The following ALG12 variants were observed in gnomAD, a reference collection of about 807,000 sequenced individuals.
ALG12 encodes the protein ALG12 alpha-1,6-mannosyltransferase, also known as dol-P-Man:Man(7)GlcNAc(2)-PP-Dol alpha-1,6-mannosyltransferase.
A neutral mutation model predicts 46.0 loss-of-function variants in ALG12; 36 were observed. The ratio of observed to expected loss-of-function variants is 0.78; its 90% CI spans 0.60 to 1.03. The LOEUF (loss-of-function observed/expected upper bound fraction) is 1.03. Among genes scored for constraint, ALG12 ranks in the 50% least tolerant of loss-of-function variants. The pLI is 0.00. For synonymous variants in ALG12, 326 were observed against 291.6 expected (o/e 1.12, Z -1.20); for missense variants, 599 against 633.5 (o/e 0.95, Z 0.58).
At chr22:49,883,908 C>G in the ALG12 span, 2 of 1,608,148 alleles carry the variant, frequency 1.2e-6, no homozygotes, top group Non-Finnish European at 8.5e-7. Flanking sequence ...GTGAGGATGA[C>G]TATGGCGCGC....
At chr22:49,860,520 A>G in the ALG12 span, among the ~76,000 whole-genome samples, 1 of 152,248 alleles carries the variant, frequency 6.6e-6, no homozygotes, top group East Asian at 1.9e-4. Flanking sequence ...GTCCTTAGTT[A>G]TCTTCCACTT....
the ALG12 span, chr22:49,884,713 C>T: frequency 6.3e-7 from 1 of 1,597,244 alleles, no homozygotes; most frequent in Non-Finnish European, 8.5e-7. Context: ...CATCCCGCCA[C>T]TGTACTCCAC....
chr22:49,879,368 C>A, the ALG12 span, among the ~76,000 whole-genome samples: 1 of 151,662 alleles, frequency 6.6e-6, no homozygotes, highest in Non-Finnish European at 1.5e-5. Flanking sequence ...CTCGGTTGAT[C>A]CGTCTGCCTC....
rs8142631 is a variant in ALG12 at position 49,915,240 on chromosome 22, G to A, written c.-78-1397C>T. 8.1e-3 allele frequency among the ~76,000 whole-genome samples: 1,227 copies of A among 152,284 alleles called. 19 individuals carry two copies. The highest frequency in any genetic ancestry group is 0.029 in the African/African-American group (1,190 of 41,560). On this transcript the variant is annotated intron_variant, in intron 1 of 9. Transcript: ENST00000330817. ...TAAAAACCTGGGGCCGGGCGCGGTC[G>A]CTCATTCCCGTAATCCCAGCTCTTT...
chr22:49,918,078 G>A (rs13340054), intron 1 of ALG12, 185 bp downstream of exon 1: 16,177 of 151,562 alleles, frequency 0.11, 1,105 homozygotes, highest in South Asian at 0.2. Flanking sequence ...CCCAGGTGAG[G>A]AGCCCGGCCC....
chr22:49,878,339 C>CT, the ALG12 span, among the ~76,000 whole-genome samples: 1 of 147,598 alleles, frequency 6.8e-6, no homozygotes. Flanking sequence ...CAGAGATAGG[C>CT]TTTCATTTCT....
intron 6 of ALG12, among the ~76,000 whole-genome samples, chr22:49,908,179 C>T (rs2147585741): frequency 6.6e-6 from 1 of 152,222 alleles, no homozygotes; most frequent in East Asian, 1.9e-4. Flanking sequence ...CCAGGCAGGA[C>T]CAAGGCAGCA....
At chr22:49,891,264 T>C in the ALG12 span, among the ~76,000 whole-genome samples, 1 of 152,212 alleles carries the variant, frequency 6.6e-6, no homozygotes, top group Non-Finnish European at 1.5e-5. Context: ...AGGGTCTTGA[T>C]GCCACTTGTT....
At position 49,907,862 on chromosome 22, in the gene ALG12, A is replaced by G; in HGVS notation, c.851T>C (p.Val284Ala). Residue 284 changes from valine to alanine, a missense_variant, in exon 7 of 10, where the codon GTA becomes GCA. Coordinates refer to ENST00000330817, the MANE Select transcript of ALG12 (RefSeq NM_024105.4). The part of the protein sequence containing the change: ...CSLLFIPLGL[V>A]DRRTHAPTVL... Reference sequence around the variant, plus strand: ...CGTCGGCGCGTGCGTCCTTCTGTCTACCAAGCCCAGGGGGATGAAGAGCAG... The same window carrying G: ...CGTCGGCGCGTGCGTCCTTCTGTCTGCCAAGCCCAGGGGGATGAAGAGCAG... The G allele has an allele frequency of 6.2e-7, 1 of 1,613,938 alleles. No individual in the cohort carries two copies. The highest frequency in any genetic ancestry group is 8.5e-7 in the Non-Finnish European group (1 of 1,179,998).
At chr22:49,885,523 C>G in the ALG12 span, 2 of 1,608,792 alleles carry the variant, frequency 1.2e-6, no homozygotes, top group Admixed American at 1.7e-5. Flanking sequence ...GGAGACGGCT[C>G]GGCCCTCCTC....
At chr22:49,861,276 G>C in the ALG12 span, among the ~76,000 whole-genome samples, 1 of 151,528 alleles carries the variant, frequency 6.6e-6, no homozygotes, top group African/African-American at 2.4e-5. Context: ...TGAGTAGCTG[G>C]GACTACAGGC....
At chr22:49,873,952 A>G in the ALG12 span, among the ~76,000 whole-genome samples, 1 of 152,246 alleles carries the variant, frequency 6.6e-6, no homozygotes, top group Non-Finnish European at 1.5e-5. Flanking sequence ...GATGCCTGAA[A>G]TTAGGACATT....
chr22:49,877,780 A>G, the ALG12 span, among the ~76,000 whole-genome samples: 97,736 of 151,946 alleles, frequency 0.64, 35,614 homozygotes, highest in East Asian at 0.85. Flanking sequence ...ATGGACACAC[A>G]CATCCCTCCT....
At chr22:49,911,607 G>T (rs1302921006) in intron 3 of ALG12, among the ~76,000 whole-genome samples, 1 of 152,046 alleles carries the variant, frequency 6.6e-6, no homozygotes, top group African/African-American at 2.4e-5. Flanking sequence ...GCTAATTTTT[G>T]TATTTTTAGT....
At chr22:49,912,057 G>GCGGGATCAGCCTGGCCC (rs1299131014) in intron 3 of ALG12, among the ~76,000 whole-genome samples, 1 of 133,174 alleles carries the variant, frequency 7.5e-6, no homozygotes, top group Non-Finnish European at 1.6e-5. Flanking sequence ...AGCCTCGGCC[G>GCGGGATCAGCCTGGCCC]CGGGATCAGC....
the ALG12 span, chr22:49,887,142 GA>G: frequency 6.2e-7 from 1 of 1,613,302 alleles, no homozygotes; most frequent in Non-Finnish European, 8.5e-7. Context: ...TTATCTTTTT[GA>G]AAGTGAATCT....
the ALG12 span, among the ~76,000 whole-genome samples, chr22:49,893,414 G>C: frequency 6.6e-6 from 1 of 152,184 alleles, no homozygotes; most frequent in Admixed American, 6.5e-5. Flanking sequence ...TTAAGCAGAG[G>C]GAGGGAGGAG....
At chr22:49,890,435 C>G in the ALG12 span, among the ~76,000 whole-genome samples, 1 of 152,178 alleles carries the variant, frequency 6.6e-6, no homozygotes, top group Non-Finnish European at 1.5e-5. Context: ...ATTGCAGGCT[C>G]TGGGAATTTA....
In ALG12 at chr22:49,904,159, G is replaced by A. The variant is rs767126536; in HGVS notation, c.1238+20C>T. The A allele has an allele frequency of 1.8e-5, 29 of 1,614,072 alleles. No homozygotes were observed. The Admixed American group carries it at 2.3e-4, about 13-fold the overall frequency. On this transcript the variant is annotated intron_variant, in intron 9 of 9. Transcript: ENST00000330817. ...CCCTCACATGGCCTCTGGGAGGGCC[G>A]TGCTGTGTGTGGATCCTACCTCCAG...
Sources: gnomAD v4.1 joint callset for allele counts (sites outside exome capture counted in the v4.1 genomes callset) on GRCh38, gnomAD v4.1.1 for gene constraint, MANE v1.5 for transcripts, NCBI Gene and HGNC (gene_info 2026-07-23, HGNC 2026-07-21) for gene names.